The following ATF7IP2 variants were observed in gnomAD, a reference collection of about 807,000 sequenced individuals.
The protein encoded by ATF7IP2 is activating transcription factor 7 interacting protein 2.
A neutral mutation model predicts 64.2 loss-of-function variants in ATF7IP2; 42 were observed. The ratio of observed to expected loss-of-function variants is 0.65; its 90% CI spans 0.51 to 0.85. The LOEUF (loss-of-function observed/expected upper bound fraction) is 0.85. Among genes scored for constraint, ATF7IP2 ranks in the 40% least tolerant of loss-of-function variants. ATF7IP2 has a pLI of 0.00. For missense variants in ATF7IP2, 933 were observed against 784.2 expected (o/e 1.19, Z -2.27); for synonymous variants, 308 against 272.8 (o/e 1.13, Z -1.27).
chr16:10,446,181 C>G (rs2048797902), intron 8 of ATF7IP2: 1 of 152,188 alleles, frequency 6.6e-6, no homozygotes, highest in Non-Finnish European at 1.5e-5. Flanking sequence ...AGGGGTCTCT[C>G]TTAAATTAGG....
intron 9 of ATF7IP2, among the ~76,000 whole-genome samples, chr16:10,459,782 G>A (rs76829924): frequency 2.4e-3 from 369 of 152,230 alleles, no homozygotes; most frequent in African/African-American, 8.5e-3. Context: ...CAGAATAGAG[G>A]TAACTTCTTT....
intron 1 of ATF7IP2, among the ~76,000 whole-genome samples, chr16:10,412,010 G>GTTTTTTTTTTTTTTTTTTTT (rs71133351): frequency 2.1e-4 from 12 of 58,392 alleles, no homozygotes; most frequent in Non-Finnish European, 2.7e-4. Flanking sequence ...ATCTTTTTTT[G>GTTTTTTTTTTTTTTTTTTTT]TTTTTTTTTT....
At chr16:10,429,368 T>C (rs1474669218) in intron 4 of ATF7IP2, among the ~76,000 whole-genome samples, 1 of 152,242 alleles carries the variant, frequency 6.6e-6, no homozygotes, top group Admixed American at 6.5e-5. Flanking sequence ...GTGTTTGTTT[T>C]AAGACAGAGT....
chr16:10,418,363 T>G (rs2047920259), intron 2 of ATF7IP2, among the ~76,000 whole-genome samples: 1 of 152,190 alleles, frequency 6.6e-6, no homozygotes, highest in African/African-American at 2.4e-5. Flanking sequence ...GAGATTTTGT[T>G]TATGGCCAGT....
intron 1 of ATF7IP2, among the ~76,000 whole-genome samples, chr16:10,398,831 T>C (rs1231935437): frequency 6.6e-6 from 1 of 152,094 alleles, no homozygotes; most frequent in Non-Finnish European, 1.5e-5. Flanking sequence ...TCAAGAGATC[T>C]GGCCAGATGT....
chr16:10,475,105 A>G (rs2049953888), intron 12 of ATF7IP2, among the ~76,000 whole-genome samples: 1 of 152,220 alleles, frequency 6.6e-6, no homozygotes, highest in Non-Finnish European at 1.5e-5. Context: ...GAAATAAAGG[A>G]AATTCTTCAA....
At chr16:10,387,824 T>TCCCCCCCCCCCCCCCCCCCCCCCC (rs5815573) in intron 1 of ATF7IP2, 2 of 130,582 alleles carry the variant, frequency 1.5e-5, no homozygotes, top group African/African-American at 6.0e-5. Flanking sequence ...TCTATTTTAC[T>TCCCCCCCCCCCCCCCCCCCCCCCC]CCCCCCCCCT....
At chr16:10,435,401 G>A (rs1329265446) in intron 6 of ATF7IP2, among the ~76,000 whole-genome samples, 1 of 152,156 alleles carries the variant, frequency 6.6e-6, no homozygotes, top group Non-Finnish European at 1.5e-5. Flanking sequence ...AGATAAGTTT[G>A]TACTTTCTCC....
intron 8 of ATF7IP2, among the ~76,000 whole-genome samples, chr16:10,444,689 T>C (rs2048743834): frequency 6.6e-6 from 1 of 152,184 alleles, no homozygotes; most frequent in Non-Finnish European, 1.5e-5. Flanking sequence ...TAAATGATTC[T>C]TTAAAGTTTG....
chr16:10,437,540 C>T (rs570522871), intron 6 of ATF7IP2, among the ~76,000 whole-genome samples: 2 of 152,116 alleles, frequency 1.3e-5, no homozygotes, highest in Non-Finnish European at 2.9e-5. Context: ...TTGAGTATCA[C>T]TTGTTCAACA....
At chr16:10,470,946 A>G (rs935578853) in intron 9 of ATF7IP2, among the ~76,000 whole-genome samples, 2 of 151,968 alleles carry the variant, frequency 1.3e-5, no homozygotes, top group Non-Finnish European at 2.9e-5. Flanking sequence ...AGACTACACT[A>G]TCTTTGTTCA....
chr16:10,434,840 C>T (rs567071872), intron 6 of ATF7IP2, among the ~76,000 whole-genome samples: 4 of 152,308 alleles, frequency 2.6e-5, no homozygotes, highest in African/African-American at 9.6e-5. Context: ...CTTTGTCACC[C>T]AGACTGGAGT....
chr16:10,437,243 A>G (rs762286964), intron 6 of ATF7IP2, among the ~76,000 whole-genome samples: 3 of 151,532 alleles, frequency 2.0e-5, no homozygotes, highest in Non-Finnish European at 2.9e-5. Context: ...CTGGTCTTCA[A>G]CTCCTGACCT....
chr16:10,409,004 C>G (rs192820504), intron 1 of ATF7IP2, among the ~76,000 whole-genome samples: 1 of 152,358 alleles, frequency 6.6e-6, no homozygotes, highest in Non-Finnish European at 1.5e-5. Flanking sequence ...CAATTTACTT[C>G]TGCAGAAGGG....
At chr16:10,464,802 C>A (rs1405348926) in intron 9 of ATF7IP2, among the ~76,000 whole-genome samples, 1 of 152,120 alleles carries the variant, frequency 6.6e-6, no homozygotes, top group South Asian at 2.1e-4. Context: ...TGTGTTGCTC[C>A]CTACTCATTC....
chr16:10,436,039 C>T (rs1184614398), intron 6 of ATF7IP2, among the ~76,000 whole-genome samples: 3 of 152,114 alleles, frequency 2.0e-5, no homozygotes, highest in South Asian at 2.1e-4. Context: ...AGAAACCACA[C>T]GAGTAATAGG....
chr16:10,443,766 T>C (rs964881689), intron 8 of ATF7IP2, among the ~76,000 whole-genome samples: 3 of 152,148 alleles, frequency 2.0e-5, no homozygotes, highest in Non-Finnish European at 4.4e-5. Flanking sequence ...TCCAGCAACA[T>C]TGGCTCCTAA....
rs576673001 is a variant in ATF7IP2 at position 10,462,143 on chromosome 16, G to C, written c.1352+4614G>C. ...GGAATAGTACTTCTGCTATTTTATA[G>C]ACAATGCTTGATCTTAGAATACTTT... On this transcript the variant is annotated intron_variant, in intron 9 of 13. Transcript: ENST00000562102. 1.9e-3 allele frequency among the ~76,000 whole-genome samples: 290 copies of C among 152,134 alleles called. 2 individuals are homozygous for C. Among genetic ancestry groups the C allele is most frequent in the African/African-American group, 6.7e-3 (279 of 41,560 alleles).
intron 8 of ATF7IP2, among the ~76,000 whole-genome samples, chr16:10,440,700 C>A (rs2048586810): frequency 6.6e-6 from 1 of 152,134 alleles, no homozygotes; most frequent in Admixed American, 6.5e-5. Flanking sequence ...TTGGCTTCCC[C>A]CACCCCCATT....
Sources: gnomAD v4.1 joint callset for allele counts (sites outside exome capture counted in the v4.1 genomes callset) on GRCh38, gnomAD v4.1.1 for gene constraint, MANE v1.5 for transcripts, NCBI Gene and HGNC (gene_info 2026-07-23, HGNC 2026-07-21) for gene names.